Variants in VTCN1 observed in about 807,000 individuals in gnomAD.
VTCN1 encodes V-set domain containing T cell activation inhibitor 1.
Under a neutral mutation model 26.5 loss-of-function variants are expected in VTCN1, and 26 were observed. The ratio of observed to expected loss-of-function variants is 0.98; its 90% confidence interval spans 0.72 to 1.36. VTCN1 has a LOEUF of 1.36. Ranked by LOEUF, VTCN1 falls within the 40% of genes most tolerant of loss-of-function variation. The pLI, the probability that VTCN1 is intolerant of heterozygous loss-of-function variation, is 0.00. For missense variants in VTCN1, 298 were observed against 337.7 expected, an observed-to-expected ratio of 0.88 and a Z score of 0.92; for synonymous variants, 116 against 130.7, an observed-to-expected ratio of 0.89 and a Z score of 0.77.
chr1:117,209,145 C>T (rs4659223), intron 1 of VTCN1, among the ~76,000 whole-genome samples: 151,643 of 152,310 alleles, frequency 1, 75,495 homozygotes, highest in East Asian at 1. Context: ...CATGAATAGC[C>T]AACAAGGCAT....
chr1:117,147,989 TCCAGTGAA>T lies in VTCN1; in HGVS notation c.725-215_725-208del, dbSNP rs1651604723. On this transcript the variant is annotated intron_variant, in intron 4 of 5. Transcript: ENST00000369458. The surrounding 1 kb of genome is among the most constrained non-coding windows in gnomAD (Gnocchi z 4.6). Reference sequence around the variant, plus strand: ...AAGAAAATTCCATTCTGTGGTCCACTCCAGTGAACACTCAGCCGAATGAAAAACTATAC... The same window carrying T: ...AAGAAAATTCCATTCTGTGGTCCACTCACTCAGCCGAATGAAAAACTATAC... 6.6e-6 allele frequency among the ~76,000 whole-genome samples: 1 copy of T among 152,182 alleles called. No individual in the cohort carries two copies. Among genetic ancestry groups the T allele is most frequent in the Admixed American group, 6.5e-5 (1 of 15,272 alleles).
chr1:117,205,013 C>A (rs1049744672), intron 1 of VTCN1, among the ~76,000 whole-genome samples: 1 of 148,562 alleles, frequency 6.7e-6, no homozygotes, highest in African/African-American at 2.5e-5. Context: ...TATATATATG[C>A]GTATATATAC....
rs1398011815 is a variant in VTCN1, at chr1:117,183,946, AC to A, written c.33-13776del. ...GGCGCAATGGCTATGCATTCCAGGG[AC>A]CAAAAGCTTCTGTCTTCAGAGCCAT... On this transcript the variant is annotated intron_variant, in intron 1 of 5. Coordinates refer to ENST00000369458, the MANE Select transcript of VTCN1 (RefSeq NM_024626.4). The surrounding 1 kb of genome is among the most constrained non-coding windows in gnomAD (Gnocchi z 4.1). Among the ~76,000 whole-genome samples the A allele has an allele frequency of 6.6e-6, 1 of 152,112 alleles. No individual in the cohort carries two copies. Among genetic ancestry groups the A allele is most frequent in the East Asian group, 1.9e-4 (1 of 5,186 alleles).
Position 117,147,495 on chromosome 1 carries a change from C to A in VTCN1, c.*45+118G>T. On this transcript the variant is annotated intron_variant, in intron 5 of 5. Coordinates refer to ENST00000369458, the MANE Select transcript of VTCN1 (RefSeq NM_024626.4). The surrounding 1 kb of genome is among the most constrained non-coding windows in gnomAD (Gnocchi z 4.6). The stretch of plus-strand genomic sequence containing the variant: ...CCCAGTACTAGTGGAAATAATGTCA[C>A]AGCCCTGGTGTCATTAAATGTTTCT... 1.2e-6 allele frequency: 1 copy of A among 800,946 alleles called. No homozygotes were observed. The allele number at this position is 800,946 out of a possible 1,614,324, so 49.6% of individuals were successfully genotyped here.
chr1:117,178,775 G>C (rs1647520277), intron 1 of VTCN1, among the ~76,000 whole-genome samples: 1 of 151,738 alleles, frequency 6.6e-6, no homozygotes, highest in Non-Finnish European at 1.5e-5. Flanking sequence ...ATTTCATGTA[G>C]AGACAGGGTT....
intron 1 of VTCN1, among the ~76,000 whole-genome samples, chr1:117,176,021 C>T (rs1035944531): frequency 2.6e-5 from 4 of 152,104 alleles, no homozygotes; most frequent in African/African-American, 4.8e-5. Context: ...CCACCTGCCT[C>T]GGCCTCCCAA....
At position 117,158,196 on chromosome 1, in the gene VTCN1, A is replaced by G. The variant is rs556252403; in HGVS notation, c.98-1275T>C. 7.9e-5 allele frequency among the ~76,000 whole-genome samples: 12 copies of G among 152,326 alleles called. No homozygotes were observed. The South Asian group carries it at 2.3e-3, about 29-fold the overall frequency. ...GTGGCTGTTTTCTCACAGCTCCACT[A>G]AGTGGTGCACCAGGGGGACTTTGTG... On this transcript the variant is annotated intron_variant, in intron 2 of 5. Transcript: ENST00000369458.
At chr1:117,150,966 G>C (rs1295734859) in intron 4 of VTCN1, among the ~76,000 whole-genome samples, 1 of 152,142 alleles carries the variant, frequency 6.6e-6, no homozygotes, top group Non-Finnish European at 1.5e-5. Context: ...TTTTGAGCCT[G>C]AATGGTATTC....
intron 2 of VTCN1, 190 bp from the exon 3 acceptor site, chr1:117,157,111 A>ATT (rs1338567437): frequency 1.5e-6 from 1 of 679,330 alleles, no homozygotes; most frequent in African/African-American, 2.0e-5. Flanking sequence ...ATATATATAT[A>ATT]TATAGCAGAT....
At chr1:117,168,110 A>G (rs1652708978) in intron 2 of VTCN1, among the ~76,000 whole-genome samples, 1 of 152,194 alleles carries the variant, frequency 6.6e-6, no homozygotes, top group African/African-American at 2.4e-5. Flanking sequence ...AAACAGAAAC[A>G]TAGGAAATCA....
At chr1:117,181,083 T>G (rs554987716) in intron 1 of VTCN1, among the ~76,000 whole-genome samples, 2 of 152,320 alleles carry the variant, frequency 1.3e-5, no homozygotes, top group South Asian at 4.1e-4. Flanking sequence ...AAACTCTTCC[T>G]TACAAAATGT....
intron 1 of VTCN1, among the ~76,000 whole-genome samples, chr1:117,195,174 A>T (rs1648449369): frequency 6.6e-6 from 1 of 151,848 alleles, no homozygotes; most frequent in South Asian, 2.1e-4. Flanking sequence ...AGACAGGAGA[A>T]TTGTTTCAAC....
intron 1 of VTCN1, among the ~76,000 whole-genome samples, chr1:117,173,505 G>A (rs781021774): frequency 3.9e-5 from 6 of 152,172 alleles, no homozygotes; most frequent in Admixed American, 6.5e-5. Flanking sequence ...TGCTCTCACA[G>A]GTAACAAATC....
At chr1:117,151,291 G>A (rs986130390) in intron 4 of VTCN1, among the ~76,000 whole-genome samples, 4 of 151,848 alleles carry the variant, frequency 2.6e-5, no homozygotes, top group African/African-American at 9.7e-5. Flanking sequence ...TGCATCTGGA[G>A]TTGTTTGTTC....
chr1:117,153,396 A>G, intron 3 of VTCN1, 27 bp from the exon 4 acceptor site: 1 of 1,584,040 alleles, frequency 6.3e-7, no homozygotes, highest in Non-Finnish European at 8.6e-7. Context: ...CAGAAAGGGC[A>G]GATGCCAAAG....
chr1:117,179,369 T>C (rs1205664585), intron 1 of VTCN1, among the ~76,000 whole-genome samples: 1 of 152,136 alleles, frequency 6.6e-6, no homozygotes, highest in African/African-American at 2.4e-5. Context: ...TTTTGAAAAA[T>C]AGTTGAGGGA....
intron 1 of VTCN1, among the ~76,000 whole-genome samples, chr1:117,182,036 G>A (rs373267413): frequency 6.6e-6 from 1 of 152,100 alleles, no homozygotes; most frequent in East Asian, 1.9e-4. Context: ...AGAAGCACTT[G>A]GGCTGGCTGC....
chr1:117,180,124 C>A (rs183106465), intron 1 of VTCN1, among the ~76,000 whole-genome samples: 1 of 152,132 alleles, frequency 6.6e-6, no homozygotes, highest in Admixed American at 6.5e-5. Flanking sequence ...TCTCTCCCCC[C>A]CAGGAAGTGT....
At chr1:117,149,290 TG>T (rs59924216) in intron 4 of VTCN1, among the ~76,000 whole-genome samples, 1 of 148,964 alleles carries the variant, frequency 6.7e-6, no homozygotes, top group South Asian at 2.1e-4. Flanking sequence ...TGTTTTGGGG[TG>T]GGTTTTTTTT....
Sources: gnomAD v4.1 joint callset for allele counts (sites outside exome capture counted in the v4.1 genomes callset) on GRCh38, gnomAD v4.1.1 for gene constraint, Gnocchi (gnomAD v3.1) non-coding constraint, MANE v1.5 for transcripts, NCBI Gene and HGNC (gene_info 2026-07-23, HGNC 2026-07-21) for gene names.